The following ITSN1 variants were observed in gnomAD, a reference collection of about 807,000 sequenced individuals.
ITSN1 encodes the protein intersectin 1.
A neutral mutation model predicts 239.8 loss-of-function variants in ITSN1; 58 were observed. The observed-to-expected ratio is 0.24, with a 90% CI of 0.20 to 0.30. The LOEUF is 0.30. Among genes scored for constraint, ITSN1 ranks in the 10% least tolerant of loss-of-function variants. ITSN1 has a pLI of 1.00. For missense variants in ITSN1, 1,558 were observed against 2,103.3 expected (o/e 0.74, Z 5.07); for synonymous variants, 780 against 770.8 (o/e 1.01, Z -0.20).
Position 33,721,186 on chromosome 21 carries a change from G to T in ITSN1, c.37G>T (p.Asp13Tyr). 6.2e-7 allele frequency: 1 copy of T among 1,612,272 alleles called. No homozygotes were observed. The highest frequency in any genetic ancestry group is 8.5e-7 in the Non-Finnish European group (1 of 1,178,416). ...TTTTCTTTGGATTTTAGGCAGCCTG[G>T]ATATCTGGGCCATAACTGTAGAGGA... Reference protein sequence around the residue: ...QFPTPFGGSLDIWAITVEERA... With the variant: ...QFPTPFGGSLYIWAITVEERA... The change falls in exon 3 of 40, where the codon GAT (aspartate) becomes TAT (tyrosine). Residue 13 changes from aspartate (D) to tyrosine (Y), a missense_variant. Asp to Tyr is a radical substitution (Grantham distance 160, BLOSUM62 -3). Transcript: ENST00000381318.
rs1286588326 is a variant in ITSN1 at position 33,811,202 on chromosome 21, C to T, written c.2547C>T (p.Asn849=). The stretch of plus-strand genomic sequence containing the variant: ...CAGAGCCCTCCACGACCCCTAATAA[C>T]TGGGCCGACTTCAGCTCCACGTACG... The part of the protein sequence containing the change: ...TSSEPSTTPN[N]WADFSSTWPT... The change falls in exon 21 of 40, where the codon AAC becomes AAT. Residue 849 remains asparagine, a synonymous_variant. Coordinates refer to ENST00000381318, the MANE Select transcript of ITSN1 (RefSeq NM_003024.3). 1 of 1,596,622 alleles carries T rather than the reference C, an allele frequency of 6.3e-7. No homozygotes were observed. Among genetic ancestry groups the T allele is most frequent in the South Asian group, 1.1e-5 (1 of 89,994 alleles).
intron 22 of ITSN1, chr21:33,817,450 C>T (rs1366954479): frequency 5.4e-6 from 7 of 1,304,260 alleles, no homozygotes; most frequent in Non-Finnish European, 3.0e-6. Context: ...TACGCTGATG[C>T]CCCCAGGCAG....
intron 1 of ITSN1, among the ~76,000 whole-genome samples, chr21:33,682,342 A>G (rs1468588963): frequency 1.3e-5 from 2 of 150,246 alleles, no homozygotes; most frequent in South Asian, 4.2e-4. Context: ...CAGCCTCCCT[A>G]GTAGCTGGGA....
intron 8 of ITSN1, among the ~76,000 whole-genome samples, chr21:33,756,526 A>G (rs1300048183): frequency 6.6e-6 from 1 of 152,072 alleles, no homozygotes; most frequent in Non-Finnish European, 1.5e-5. Flanking sequence ...TATTACTTAA[A>G]ATTGCAATTT....
intron 33 of ITSN1, among the ~76,000 whole-genome samples, chr21:33,871,831 G>C (rs746899774): frequency 1.3e-5 from 2 of 152,216 alleles, no homozygotes; most frequent in Non-Finnish European, 2.9e-5. Flanking sequence ...ACATAGCCTG[G>C]AGCCAGGCTG....
intron 26 of ITSN1, chr21:33,829,232 G>A: frequency 2.8e-6 from 1 of 355,852 alleles, no homozygotes; most frequent in South Asian, 2.3e-5. Context: ...TTTAGCCATT[G>A]GGTGCTACTG....
At chr21:33,741,619 G>T (rs1469108671) in intron 5 of ITSN1, among the ~76,000 whole-genome samples, 7 of 152,064 alleles carry the variant, frequency 4.6e-5, no homozygotes, top group Non-Finnish European at 8.8e-5. Flanking sequence ...TAGGCCGGGC[G>T]CAGTGACTCA....
At chr21:33,871,368 G>A (rs1230564268) in intron 33 of ITSN1, among the ~76,000 whole-genome samples, 1 of 150,928 alleles carries the variant, frequency 6.6e-6, no homozygotes, top group Non-Finnish European at 1.5e-5. Flanking sequence ...GCAAGAAGAG[G>A]GGAAAGAGCT....
chr21:33,864,432 T>A (rs967835737), intron 31 of ITSN1, among the ~76,000 whole-genome samples: 1 of 152,120 alleles, frequency 6.6e-6, no homozygotes, highest in Non-Finnish European at 1.5e-5. Context: ...GGAAGCACAG[T>A]CCTAGTTACC....
chr21:33,773,706 C>T (rs1000525440), intron 12 of ITSN1, among the ~76,000 whole-genome samples: 7 of 151,130 alleles, frequency 4.6e-5, no homozygotes, highest in Non-Finnish European at 2.9e-5. Context: ...TTGAGACAGA[C>T]TCTCGCTCTG....
chr21:33,794,310 G>A (rs781673973), intron 16 of ITSN1, 31 bp from the exon 17 acceptor site: 12 of 1,535,346 alleles, frequency 7.8e-6, no homozygotes, highest in Middle Eastern at 1.9e-4. Context: ...CACTCATGTC[G>A]CTACATGAAC....
At chr21:33,826,755 C>T (rs373419095) in intron 25 of ITSN1, 63 bp from the exon 26 acceptor site, 179 of 1,477,736 alleles carry the variant, frequency 1.2e-4, no homozygotes, top group African/African-American at 1.0e-3. Context: ...CATCATTAAT[C>T]GTTTTTAAAG....
At chr21:33,806,213 A>C (rs552467084) in intron 20 of ITSN1, among the ~76,000 whole-genome samples, 2 of 152,132 alleles carry the variant, frequency 1.3e-5, no homozygotes, top group East Asian at 3.9e-4. Context: ...TCCTTCCAAA[A>C]AACAAAGACT....
At chr21:33,688,106 A>G (rs1344425153) in intron 1 of ITSN1, among the ~76,000 whole-genome samples, 2 of 151,316 alleles carry the variant, frequency 1.3e-5, no homozygotes, top group African/African-American at 2.4e-5. Flanking sequence ...TTGAAAAGGC[A>G]TGTGTTTAAG....
intron 17 of ITSN1, among the ~76,000 whole-genome samples, chr21:33,796,252 T>C (rs561274708): frequency 6.6e-6 from 1 of 152,202 alleles, no homozygotes; most frequent in African/African-American, 2.4e-5. Flanking sequence ...ATTACAGGCA[T>C]GAGCCACCGC....
At chr21:33,805,300 A>G (rs1270495981) in intron 20 of ITSN1, among the ~76,000 whole-genome samples, 3 of 152,222 alleles carry the variant, frequency 2.0e-5, no homozygotes, top group African/African-American at 7.2e-5. Flanking sequence ...TGTTTGTCTT[A>G]GTGTTACTCT....
At chr21:33,757,597 C>T (rs1467636662) in intron 8 of ITSN1, among the ~76,000 whole-genome samples, 1 of 151,670 alleles carries the variant, frequency 6.6e-6, no homozygotes, top group Non-Finnish European at 1.5e-5. Flanking sequence ...ATGTTTTATA[C>T]TAAATTAGAA....
intron 29 of ITSN1, among the ~76,000 whole-genome samples, chr21:33,845,417 T>C (rs2074961202): frequency 6.6e-6 from 1 of 152,088 alleles, no homozygotes; most frequent in Non-Finnish European, 1.5e-5. Context: ...TCCTTCCAGC[T>C]TCCCCCACGC....
chr21:33,694,978 G>A (rs1025737800), intron 1 of ITSN1, among the ~76,000 whole-genome samples: 1 of 152,100 alleles, frequency 6.6e-6, no homozygotes, highest in African/African-American at 2.4e-5. Flanking sequence ...GCTGATTTCT[G>A]TATTTGTTTT....
Sources: gnomAD v4.1 joint callset for allele counts (sites outside exome capture counted in the v4.1 genomes callset) on GRCh38, gnomAD v4.1.1 for gene constraint, MANE v1.5 for transcripts, NCBI Gene and HGNC (gene_info 2026-07-23, HGNC 2026-07-21) for gene names.